Variants in DSCAML1 observed in about 807,000 individuals in gnomAD.
DSCAML1 encodes the protein cell adhesion molecule DSCAML1.
In DSCAML1, 38 loss-of-function variants were observed where a neutral mutation model predicts 200.5. The observed-to-expected ratio is 0.19, with a 90% CI of 0.15 to 0.25. The LOEUF is 0.25. DSCAML1 is among the 10% of genes least tolerant of loss of function. The probability of loss-of-function intolerance (pLI) is 1.00; values close to 1 mark genes in which losing one functional copy is unlikely to be tolerated. For missense variants in DSCAML1, 2,223 were observed against 2,858.8 expected, an observed-to-expected ratio of 0.78 and a Z score of 5.07; for synonymous variants, 1,215 against 1,165.0, an observed-to-expected ratio of 1.04 and a Z score of -0.87.
chr11:117,502,710 G>A (rs1482115788), intron 11 of DSCAML1, among the ~76,000 whole-genome samples: 1 of 152,164 alleles, frequency 6.6e-6, no homozygotes, highest in African/African-American at 2.4e-5. Context: ...ACCCTGGAGG[G>A]ACTGCCACTA....
chr11:117,633,317 G>T (rs1411624327), intron 3 of DSCAML1, among the ~76,000 whole-genome samples: 7 of 152,196 alleles, frequency 4.6e-5, no homozygotes, highest in African/African-American at 1.4e-4. Flanking sequence ...CCTGGGTCTG[G>T]CCACCCTTCA....
intron 3 of DSCAML1, among the ~76,000 whole-genome samples, chr11:117,746,812 G>C (rs557071654): frequency 6.6e-6 from 1 of 152,030 alleles, no homozygotes; most frequent in Non-Finnish European, 1.5e-5. Flanking sequence ...CCCACTCTTC[G>C]CCTGAGAAAC....
intron 3 of DSCAML1, among the ~76,000 whole-genome samples, chr11:117,605,242 T>C (rs2051541815): frequency 6.6e-6 from 1 of 151,868 alleles, no homozygotes; most frequent in African/African-American, 2.4e-5. Flanking sequence ...TTCTCCCCAC[T>C]ACCCCCACCC....
intron 3 of DSCAML1, among the ~76,000 whole-genome samples, chr11:117,596,962 G>A (rs1038142669): frequency 1.3e-5 from 2 of 152,092 alleles, no homozygotes; most frequent in Admixed American, 6.6e-5. Context: ...TTGTCCCTGC[G>A]GTGGGCTTTC....
At chr11:117,431,495 G>A (rs1253568370) in intron 31 of DSCAML1, 39 bp downstream of exon 31, 4 of 1,499,818 alleles carry the variant, frequency 2.7e-6, no homozygotes, top group Non-Finnish European at 9.0e-7. Context: ...GGGGAACTGG[G>A]GGGAGGTGTT....
intron 3 of DSCAML1, among the ~76,000 whole-genome samples, chr11:117,677,677 TA>T (rs1164229082): frequency 6.6e-6 from 1 of 152,074 alleles, no homozygotes; most frequent in African/African-American, 2.4e-5. Context: ...GAAGGGACAA[TA>T]ACCATGGCTA....
intron 3 of DSCAML1, among the ~76,000 whole-genome samples, chr11:117,538,473 C>T (rs1448391961): frequency 6.6e-6 from 1 of 152,220 alleles, no homozygotes; most frequent in Non-Finnish European, 1.5e-5. Flanking sequence ...AGGCCTCCTG[C>T]AGGTGGACTC....
intron 3 of DSCAML1, among the ~76,000 whole-genome samples, chr11:117,633,158 G>T (rs2052208470): frequency 6.6e-6 from 1 of 152,080 alleles, no homozygotes; most frequent in Admixed American, 6.5e-5. Flanking sequence ...AAGGGTGGTT[G>T]TCTGGGGACA....
At chr11:117,432,588 T>C in intron 29 of DSCAML1, 84 bp from the exon 30 acceptor site, 1 of 1,436,462 alleles carries the variant, frequency 7.0e-7, no homozygotes, top group South Asian at 1.3e-5. Context: ...TCTCTTTGTC[T>C]TTATCCAATG....
intron 8 of DSCAML1, among the ~76,000 whole-genome samples, chr11:117,507,715 C>G (rs2049528865): frequency 6.6e-6 from 1 of 152,074 alleles, no homozygotes; most frequent in South Asian, 2.1e-4. Context: ...ATCTGTCCTT[C>G]TCATCCCCAA....
intron 3 of DSCAML1, among the ~76,000 whole-genome samples, chr11:117,726,691 C>T (rs1039902650): frequency 1.3e-5 from 2 of 152,162 alleles, no homozygotes; most frequent in Non-Finnish European, 2.9e-5. Context: ...CAGGGTGGCA[C>T]TGCAGCAGAT....
intron 21 of DSCAML1, among the ~76,000 whole-genome samples, chr11:117,442,505 AGT>A (rs917973835): frequency 2.6e-5 from 4 of 151,514 alleles, no homozygotes; most frequent in South Asian, 4.2e-4. Context: ...ATGAGTGTGC[AGT>A]GTGTGTGTGC....
intron 3 of DSCAML1, chr11:117,612,101 G>C (rs1362356142): frequency 6.6e-6 from 1 of 152,212 alleles, no homozygotes; most frequent in Admixed American, 6.5e-5. Context: ...TCAGCCCTGA[G>C]AACAGTGCTC....
chr11:117,616,680 G>A (rs1378450513), intron 3 of DSCAML1, among the ~76,000 whole-genome samples: 8 of 152,178 alleles, frequency 5.3e-5, no homozygotes, highest in African/African-American at 1.7e-4. Flanking sequence ...GTAACACAAG[G>A]GGACTCCTGG....
At chr11:117,561,453 T>C (rs2137415517) in intron 3 of DSCAML1, among the ~76,000 whole-genome samples, 1 of 152,332 alleles carries the variant, frequency 6.6e-6, no homozygotes, top group East Asian at 1.9e-4. Flanking sequence ...TCTGTGCGGC[T>C]ATGGGGATGA....
rs2052434077 is a variant in DSCAML1 at position 117,642,563 on chromosome 11, G to A, written c.512-110041C>T. Among the ~76,000 whole-genome samples the A allele has an allele frequency of 6.6e-6, 1 of 152,222 alleles. No individual in the cohort carries two copies. ...CAGGTGCCTGGCGAGGGGCTGGAAGGAGCAATGGTGAGACACAGTGGGGCT... is the reference window on the plus strand; with the variant it reads ...CAGGTGCCTGGCGAGGGGCTGGAAGAAGCAATGGTGAGACACAGTGGGGCT... On this transcript the variant is annotated intron_variant, in intron 3 of 32. Transcript: ENST00000651296. This position sits in a 1 kb window ranked among gnomAD's most constrained non-coding sequence, Gnocchi z 4.1.
rs193108399 is a variant in DSCAML1, at chr11:117,741,835, A to G, written c.511+34956T>C. On this transcript the variant is annotated intron_variant, in intron 3 of 32. Transcript: ENST00000651296. ...ACTCTTGCATCCTGAGGGATGCTGCATGGAGCCCACAAGCTCCATACCACA... is the reference window on the plus strand; with the variant it reads ...ACTCTTGCATCCTGAGGGATGCTGCGTGGAGCCCACAAGCTCCATACCACA... 2.0e-5 allele frequency among the ~76,000 whole-genome samples: 3 copies of G among 152,312 alleles called. No homozygotes were observed. In the South Asian group the frequency reaches 6.2e-4, roughly 32 times the overall value.
chr11:117,530,162 C>T (rs1475906436), intron 4 of DSCAML1, among the ~76,000 whole-genome samples: 1 of 152,076 alleles, frequency 6.6e-6, no homozygotes, highest in Non-Finnish European at 1.5e-5. Context: ...CTCCCCCTCG[C>T]CCCTTCTCCC....
intron 3 of DSCAML1, among the ~76,000 whole-genome samples, chr11:117,555,897 G>T (rs1484450727): frequency 6.6e-6 from 1 of 151,538 alleles, no homozygotes; most frequent in Non-Finnish European, 1.5e-5. Flanking sequence ...AATGGAGTGA[G>T]GTTGGCAGCA....
Sources: allele counts gnomAD v4.1 joint callset (sites outside exome capture counted in the v4.1 genomes callset), GRCh38; gene constraint gnomAD v4.1.1; non-coding constraint Gnocchi (gnomAD v3.1); transcripts MANE v1.5; gene names NCBI Gene and HGNC (gene_info 2026-07-23, HGNC 2026-07-21).